Variants in SLC24A2 observed in about 807,000 individuals in gnomAD.
SLC24A2 encodes sodium/potassium/calcium exchanger 2.
SLC24A2 carries 36 observed loss-of-function variants against 62.0 expected under a neutral mutation model. The observed-to-expected ratio is 0.58, with a 90% CI of 0.44 to 0.77. SLC24A2 has a LOEUF of 0.77. SLC24A2 is among the 30% of genes least tolerant of loss of function. The pLI, the probability that SLC24A2 is intolerant of heterozygous loss-of-function variation, is 0.00. For missense variants in SLC24A2, 846 were observed against 817.9 expected, an observed-to-expected ratio of 1.03 and a Z score of -0.42; for synonymous variants, 358 against 294.0, an observed-to-expected ratio of 1.22 and a Z score of -2.23.
chr9:19,832,650 C>A, the SLC24A2 span, among the ~76,000 whole-genome samples: 1 of 152,082 alleles, frequency 6.6e-6, no homozygotes, highest in African/African-American at 2.4e-5. Context: ...AGAAGAAAAC[C>A]TAGGCAATAC....
chr9:19,551,711 A>C (rs780761532), intron 7 of SLC24A2, among the ~76,000 whole-genome samples: 11 of 152,142 alleles, frequency 7.2e-5, no homozygotes, highest in African/African-American at 2.7e-4. Context: ...CAGAGGTGGC[A>C]TGAGGGGCAG....
the SLC24A2 span, among the ~76,000 whole-genome samples, chr9:19,969,941 A>G: frequency 6.6e-6 from 1 of 152,194 alleles, no homozygotes; most frequent in Admixed American, 6.5e-5. Flanking sequence ...AGTCAGTGAC[A>G]TAAATATGGG....
chr9:19,531,340 G>A lies in SLC24A2; in HGVS notation c.1480-3202C>T, dbSNP rs1198660462. Among the ~76,000 whole-genome samples, 5 of 152,308 alleles carry A rather than the reference G, an allele frequency of 3.3e-5. 1 individual carries two copies. The Middle Eastern group carries it at 0.017, about 518-fold the overall frequency. ...AGTCATTTAGTTACCAGTGTCATTG[G>A]AAGGAAGAAAATAGCTCTTGGAGCC... On this transcript the variant is annotated intron_variant, in intron 8 of 10. Coordinates refer to ENST00000341998, the MANE Select transcript of SLC24A2 (RefSeq NM_020344.4).
At chr9:20,267,302 C>T in the SLC24A2 span, among the ~76,000 whole-genome samples, 1 of 152,182 alleles carries the variant, frequency 6.6e-6, no homozygotes, top group African/African-American at 2.4e-5. Flanking sequence ...CTAACCCCCA[C>T]ACCAACTCAA....
the SLC24A2 span, among the ~76,000 whole-genome samples, chr9:20,163,545 G>C: frequency 7.2e-5 from 11 of 152,218 alleles, no homozygotes; most frequent in African/African-American, 2.2e-4. Flanking sequence ...CCATGAAAAT[G>C]GTCATACTGC....
At chr9:19,883,223 G>A in the SLC24A2 span, among the ~76,000 whole-genome samples, 1 of 152,094 alleles carries the variant, frequency 6.6e-6, no homozygotes, top group African/African-American at 2.4e-5. Flanking sequence ...TAGATATTGC[G>A]ATGTGCCAAT....
intron 2 of SLC24A2, among the ~76,000 whole-genome samples, chr9:19,717,416 T>C (rs1587209120): frequency 6.6e-6 from 1 of 152,230 alleles, no homozygotes; most frequent in African/African-American, 2.4e-5. Context: ...GTTTAGTTCT[T>C]TGATTAACCG....
intron 2 of SLC24A2, among the ~76,000 whole-genome samples, chr9:19,708,650 T>C (rs1242790196): frequency 6.6e-6 from 1 of 152,156 alleles, no homozygotes; most frequent in African/African-American, 2.4e-5. Context: ...AAACAAGCAA[T>C]GGGGAAAGGA....
At chr9:20,266,888 G>A in the SLC24A2 span, among the ~76,000 whole-genome samples, 252 of 152,098 alleles carry the variant, frequency 1.7e-3, 7 homozygotes, top group East Asian at 0.041. Context: ...GACCCACCTG[G>A]TCAACAGAAT....
chr9:19,599,895 C>T lies in SLC24A2; in HGVS notation c.1079-2616G>A, dbSNP rs551786718. Reference sequence around the variant, plus strand: ...AGGAATGTGGCTTGCAACCAGCACACTCTCCATAATGAATAACTAAGGCAC... The same window carrying T: ...AGGAATGTGGCTTGCAACCAGCACATTCTCCATAATGAATAACTAAGGCAC... On this transcript the variant is annotated intron_variant, in intron 4 of 10. Coordinates refer to ENST00000341998, the MANE Select transcript of SLC24A2 (RefSeq NM_020344.4). This position sits in a 1 kb window ranked among gnomAD's most constrained non-coding sequence, Gnocchi z 4.5. Among the ~76,000 whole-genome samples the T allele has an allele frequency of 6.6e-6, 1 of 152,294 alleles. No homozygotes were observed. The highest frequency in any genetic ancestry group is 1.5e-5 in the Non-Finnish European group (1 of 68,030).
the SLC24A2 span, among the ~76,000 whole-genome samples, chr9:20,207,240 G>A: frequency 6.6e-6 from 1 of 152,126 alleles, no homozygotes; most frequent in Admixed American, 6.6e-5. Flanking sequence ...CAATTACAAT[G>A]ACCAGGTTGT....
the SLC24A2 span, among the ~76,000 whole-genome samples, chr9:20,094,449 T>C: frequency 6.6e-6 from 1 of 152,190 alleles, no homozygotes; most frequent in Non-Finnish European, 1.5e-5. Context: ...TAAGCTCCCA[T>C]GTGAAAAACA....
chr9:20,229,003 C>T, the SLC24A2 span, among the ~76,000 whole-genome samples: 14 of 152,076 alleles, frequency 9.2e-5, no homozygotes, highest in Non-Finnish European at 1.5e-4. Flanking sequence ...CTTAGTGATG[C>T]TGCAGAGGCT....
At chr9:19,523,340 C>G (rs1323094917) in intron 9 of SLC24A2, among the ~76,000 whole-genome samples, 2 of 152,092 alleles carry the variant, frequency 1.3e-5, no homozygotes, top group Non-Finnish European at 2.9e-5. Flanking sequence ...CTCAGTCTTT[C>G]CTATCTGTAA....
At chr9:19,648,750 T>A (rs920537788) in intron 2 of SLC24A2, among the ~76,000 whole-genome samples, 1 of 151,742 alleles carries the variant, frequency 6.6e-6, no homozygotes, top group African/African-American at 2.4e-5. Context: ...GAGGTTAGGG[T>A]TGGTTATTGG....
At chr9:19,602,973 T>C (rs1207074516) in intron 4 of SLC24A2, among the ~76,000 whole-genome samples, 1 of 152,176 alleles carries the variant, frequency 6.6e-6, no homozygotes. Context: ...ATATTCAACA[T>C]TTTCTCTGGT....
chr9:20,193,318 C>A, the SLC24A2 span, among the ~76,000 whole-genome samples: 1 of 152,028 alleles, frequency 6.6e-6, no homozygotes, highest in East Asian at 1.9e-4. Flanking sequence ...AGTCAGTGAA[C>A]AGACTTCTGC....
chr9:19,529,431 A>G (rs1051028902), intron 8 of SLC24A2, among the ~76,000 whole-genome samples: 1 of 152,156 alleles, frequency 6.6e-6, no homozygotes, highest in Non-Finnish European at 1.5e-5. Flanking sequence ...AGTTTTCAAT[A>G]TATATTTCTT....
chr9:19,766,433 AT>A (rs1822517665), intron 2 of SLC24A2, among the ~76,000 whole-genome samples: 1 of 152,060 alleles, frequency 6.6e-6, no homozygotes, highest in African/African-American at 2.4e-5. Context: ...ATCTTCAGGG[AT>A]TTATCTACCT....
Sources: gnomAD v4.1 joint callset for allele counts (sites outside exome capture counted in the v4.1 genomes callset) on GRCh38, gnomAD v4.1.1 for gene constraint, Gnocchi (gnomAD v3.1) non-coding constraint, MANE v1.5 for transcripts, NCBI Gene and HGNC (gene_info 2026-07-23, HGNC 2026-07-21) for gene names.